Variants in FAM151B observed in about 807,000 individuals in gnomAD.
The protein encoded by FAM151B is protein FAM151B.
FAM151B carries 24 observed loss-of-function variants against 31.2 expected under a neutral mutation model. The observed-to-expected ratio is 0.77, with a 90% CI of 0.56 to 1.08. The LOEUF (loss-of-function observed/expected upper bound fraction) is 1.08. FAM151B is among the 50% of genes least tolerant of loss of function. The pLI is 0.00. For synonymous variants in FAM151B, 105 were observed against 111.4 expected (o/e 0.94, Z 0.36); for missense variants, 293 against 328.6 (o/e 0.89, Z 0.84).
chr5:80,499,571 G>GT (rs1180274513), intron 1 of FAM151B, among the ~76,000 whole-genome samples: 8 of 152,008 alleles, frequency 5.3e-5, no homozygotes, highest in Non-Finnish European at 1.2e-4. Context: ...CTTTACATCA[G>GT]TTTTCCTTAT....
At chr5:80,491,542 T>C (rs1483458292) in intron 1 of FAM151B, among the ~76,000 whole-genome samples, 2 of 152,226 alleles carry the variant, frequency 1.3e-5, no homozygotes, top group Non-Finnish European at 2.9e-5. Context: ...ATAGTCACCA[T>C]TGCTGTGCAA....
intron 1 of FAM151B, among the ~76,000 whole-genome samples, chr5:80,490,412 G>A (rs1743277954): frequency 1.3e-5 from 2 of 152,194 alleles, no homozygotes; most frequent in South Asian, 4.1e-4. Context: ...CCTTACTGAT[G>A]TACAATTTGC....
At chr5:80,494,999 A>G (rs1264253241) in intron 1 of FAM151B, 3 of 152,096 alleles carry the variant, frequency 2.0e-5, no homozygotes, top group Non-Finnish European at 4.4e-5. Context: ...CTATACTGAA[A>G]ATCACAGGGT....
At chr5:80,517,597 C>G (rs1561370870) in intron 3 of FAM151B, among the ~76,000 whole-genome samples, 1 of 151,752 alleles carries the variant, frequency 6.6e-6, no homozygotes, top group Non-Finnish European at 1.5e-5. Context: ...ATATCATTAT[C>G]CTTCGTCTAC....
chr5:80,504,906 C>T (rs1236392164), intron 2 of FAM151B, among the ~76,000 whole-genome samples: 1 of 152,192 alleles, frequency 6.6e-6, no homozygotes, highest in African/African-American at 2.4e-5. Flanking sequence ...TAATAAAAGA[C>T]TAGATCATCT....
At chr5:80,536,010 G>C (rs1256629324) in intron 5 of FAM151B, among the ~76,000 whole-genome samples, 2 of 152,034 alleles carry the variant, frequency 1.3e-5, no homozygotes, top group African/African-American at 2.4e-5. Context: ...GATTATCAGG[G>C]AAATGCAAAT....
chr5:80,501,231 G>T, intron 1 of FAM151B: 1 of 360,272 alleles, frequency 2.8e-6, no homozygotes, highest in South Asian at 2.7e-5. Context: ...TGTTGGCCAG[G>T]CTGCTCTCCA....
intron 2 of FAM151B, among the ~76,000 whole-genome samples, chr5:80,503,608 G>C (rs186984645): frequency 6.6e-6 from 1 of 152,010 alleles, no homozygotes; most frequent in Admixed American, 6.6e-5. Context: ...AAAATCTCAG[G>C]ATTCAAGGTC....
intron 1 of FAM151B, among the ~76,000 whole-genome samples, chr5:80,490,820 C>T (rs1743306370): frequency 6.6e-6 from 1 of 152,266 alleles, no homozygotes; most frequent in East Asian, 1.9e-4. Flanking sequence ...AGTTGATGGA[C>T]ATTTGAGTTG....
intron 5 of FAM151B, among the ~76,000 whole-genome samples, chr5:80,538,468 T>A (rs145768835): frequency 6.1e-5 from 7 of 115,328 alleles, no homozygotes; most frequent in African/African-American, 2.5e-4. Context: ...CTTTCTTTCT[T>A]TCTTTCTTTC....
At chr5:80,499,224 A>G (rs1221771179) in intron 1 of FAM151B, among the ~76,000 whole-genome samples, 1 of 152,166 alleles carries the variant, frequency 6.6e-6, no homozygotes, top group African/African-American at 2.4e-5. Context: ...ATGATATAGT[A>G]TGGAATAGAT....
rs574339182 is a variant in FAM151B, at chr5:80,516,448, G to A, written c.317+2679G>A. Among the ~76,000 whole-genome samples, 304 of 152,220 alleles carry A rather than the reference G, an allele frequency of 2.0e-3. 1 individual carries two copies. The highest frequency in any genetic ancestry group is 6.9e-3 in the African/African-American group (287 of 41,520). On this transcript the variant is annotated intron_variant, in intron 3 of 5. Transcript: ENST00000282226. Reference sequence around the variant, plus strand: ...TATAGTTTGTTACAATTTTAAGTACGATATTTATTTTATCATTCCCAATTT... The same window carrying A: ...TATAGTTTGTTACAATTTTAAGTACAATATTTATTTTATCATTCCCAATTT...
intron 5 of FAM151B, among the ~76,000 whole-genome samples, chr5:80,522,953 GT>G (rs1325672107): frequency 1.3e-5 from 2 of 152,152 alleles, no homozygotes; most frequent in East Asian, 3.9e-4. Context: ...ATGGAACTTA[GT>G]GTAGAAACAA....
In FAM151B at chr5:80,538,525, C is replaced by T. The variant is rs1486435457; in HGVS notation, c.672-3148C>T. ...TTTCTTTTCTTTCTTTCCTTCCTTC[C>T]TTCCTTCCTTCCTTCCTTCCTTCCT... On this transcript the variant is annotated intron_variant, in intron 5 of 5. Coordinates refer to ENST00000282226, the MANE Select transcript of FAM151B (RefSeq NM_205548.3). Among the ~76,000 whole-genome samples, 791 of 82,640 alleles carry T rather than the reference C, an allele frequency of 9.6e-3. 38 individuals are homozygous for T. The highest frequency in any genetic ancestry group is 0.019 in the Middle Eastern group (3 of 160). The allele number at this position is 82,640 out of a possible 152,430, so 54.2% of individuals were successfully genotyped here.
intron 5 of FAM151B, among the ~76,000 whole-genome samples, chr5:80,524,280 G>A (rs995118288): frequency 1.3e-5 from 2 of 151,834 alleles, no homozygotes; most frequent in Non-Finnish European, 2.9e-5. Flanking sequence ...TATTCCATTT[G>A]GGTATATTTT....
intron 2 of FAM151B, among the ~76,000 whole-genome samples, chr5:80,504,514 CTTTTTT>C (rs11340979): frequency 3.4e-5 from 2 of 58,742 alleles, no homozygotes; most frequent in African/African-American, 1.4e-4. Flanking sequence ...GACTATTACT[CTTTTTT>C]TTTTTTTTTT....
chr5:80,512,924 C>G (rs1355836913), intron 2 of FAM151B, among the ~76,000 whole-genome samples: 3 of 151,654 alleles, frequency 2.0e-5, no homozygotes, highest in Non-Finnish European at 2.9e-5. Flanking sequence ...TTTTGATTTT[C>G]TGGGATTTCA....
Position 80,538,525 on chromosome 5 carries a change from C to CTTTCTT in FAM151B, c.672-3146_672-3145insTCTTTT, listed in dbSNP as rs1181977262. Among the ~76,000 whole-genome samples, 544 of 82,704 alleles carry CTTTCTT rather than the reference C, an allele frequency of 6.6e-3. 50 individuals are homozygous for CTTTCTT. Among genetic ancestry groups the CTTTCTT allele is most frequent in the African/African-American group, 0.044 (499 of 11,236 alleles). The allele number at this position is 82,704 out of a possible 152,430, so 54.3% of individuals were successfully genotyped here. A position where few individuals can be genotyped will look rare whatever the true frequency, so the allele number is the denominator to read the frequency against. The stretch of plus-strand genomic sequence containing the variant: ...TTTCTTTTCTTTCTTTCCTTCCTTC[C>CTTTCTT]TTCCTTCCTTCCTTCCTTCCTTCCT... On this transcript the variant is annotated intron_variant, in intron 5 of 5. Coordinates refer to ENST00000282226, the MANE Select transcript of FAM151B (RefSeq NM_205548.3).
Position 80,538,495 on chromosome 5 carries a change from C to T in FAM151B, c.672-3178C>T, listed in dbSNP as rs1561383881. Among the ~76,000 whole-genome samples, 6 of 119,894 alleles carry T rather than the reference C, an allele frequency of 5.0e-5. 1 individual carries two copies. The highest frequency in any genetic ancestry group is 2.2e-4 in the African/African-American group (6 of 27,588). 78.7% of individuals were successfully genotyped at this position (119,894 alleles called of 152,430 possible). A position where few individuals can be genotyped will look rare whatever the true frequency, so the allele number is the denominator to read the frequency against. Reference sequence around the variant, plus strand: ...CTTTCTTTCTTTCTTTCCTTCCTTCCTTCCTTTCTTTTCTTTCTTTCCTTC... The same window carrying T: ...CTTTCTTTCTTTCTTTCCTTCCTTCTTTCCTTTCTTTTCTTTCTTTCCTTC... On this transcript the variant is annotated intron_variant, in intron 5 of 5. Coordinates refer to ENST00000282226, the MANE Select transcript of FAM151B (RefSeq NM_205548.3).
Sources: gnomAD v4.1 joint callset for allele counts (sites outside exome capture counted in the v4.1 genomes callset) on GRCh38, gnomAD v4.1.1 for gene constraint, MANE v1.5 for transcripts, NCBI Gene and HGNC (gene_info 2026-07-23, HGNC 2026-07-21) for gene names.